The following DNAH6 variants were observed in gnomAD, a reference collection of about 807,000 sequenced individuals.
The protein encoded by DNAH6 is dynein axonemal heavy chain 6.
A neutral mutation model predicts 491.4 loss-of-function variants in DNAH6; 340 were observed. The ratio of observed to expected loss-of-function variants is 0.69; its 90% CI spans 0.63 to 0.76. The LOEUF is 0.76. DNAH6 is among the 30% of genes least tolerant of loss of function. The probability of loss-of-function intolerance (pLI) is 0.00; values close to 1 mark genes in which losing one functional copy is unlikely to be tolerated. For synonymous variants in DNAH6, 1,603 were observed against 1,686.1 expected (o/e 0.95, Z 1.21); for missense variants, 4,443 against 4,972.2 (o/e 0.89, Z 3.20).
Position 84,748,730 on chromosome 2 carries a change from C to G in DNAH6, c.10512+3481C>G, listed in dbSNP as rs577540483. Among the ~76,000 whole-genome samples the G allele has an allele frequency of 2.0e-4, 31 of 152,300 alleles. 1 individual carries two copies. Among genetic ancestry groups the G allele is most frequent in the Non-Finnish European group, 4.0e-4 (27 of 68,024 alleles). Reference sequence around the variant, plus strand: ...AAGCTGCTTACACATTTTCTGGTATCTTTGTAGCAATGCCCCATTCCTCAG... The same window carrying G: ...AAGCTGCTTACACATTTTCTGGTATGTTTGTAGCAATGCCCCATTCCTCAG... On this transcript the variant is annotated intron_variant, in intron 63 of 76. Transcript: ENST00000389394.
At chr2:84,758,519 C>T (rs868448473) in intron 63 of DNAH6, among the ~76,000 whole-genome samples, 1 of 151,912 alleles carries the variant, frequency 6.6e-6, no homozygotes, top group South Asian at 2.1e-4. Context: ...ACTCAAAAAT[C>T]CCCAACAAAA....
chr2:84,778,455 A>G (rs542666853), intron 64 of DNAH6, among the ~76,000 whole-genome samples: 5 of 151,092 alleles, frequency 3.3e-5, no homozygotes, highest in Non-Finnish European at 7.4e-5. Context: ...TCTAATTGCA[A>G]TATTAGATCA....
chr2:84,502,923 A>G, the DNAH6 span, among the ~76,000 whole-genome samples: 2 of 152,212 alleles, frequency 1.3e-5, no homozygotes, highest in East Asian at 1.9e-4. Flanking sequence ...CAATGGATCA[A>G]TGGGTCATGT....
chr2:84,688,616 A>G lies in DNAH6; in HGVS notation c.7292+23A>G, dbSNP rs375556405. On this transcript the variant is annotated intron_variant, in intron 45 of 76. Coordinates refer to ENST00000389394, the MANE Select transcript of DNAH6 (RefSeq NM_001370.2). ...AAGGTATAGTGCTATAAGGCGCCCAATAATGCATTGATTTAATATTTTTTG... is the reference window on the plus strand; with the variant it reads ...AAGGTATAGTGCTATAAGGCGCCCAGTAATGCATTGATTTAATATTTTTTG... The G allele has an allele frequency of 1.1e-4, 164 of 1,496,060 alleles. 1 individual carries two copies. In the East Asian group the frequency reaches 3.4e-3, roughly 31 times the overall value. The allele number at this position is 1,496,060 out of a possible 1,614,324, so 92.7% of individuals were successfully genotyped here. A position where few individuals can be genotyped will look rare whatever the true frequency, so the allele number is the denominator to read the frequency against.
At chr2:84,593,061 A>C (rs1399209001) in intron 16 of DNAH6, among the ~76,000 whole-genome samples, 1 of 152,214 alleles carries the variant, frequency 6.6e-6, no homozygotes, top group Admixed American at 6.5e-5. Flanking sequence ...TACACTTAAA[A>C]ATTTATTAAA....
At chr2:84,695,339 G>A (rs999262150) in intron 46 of DNAH6, among the ~76,000 whole-genome samples, 1 of 151,602 alleles carries the variant, frequency 6.6e-6, no homozygotes, top group Non-Finnish European at 1.5e-5. Context: ...GTTGATAATG[G>A]TAAAAAATCA....
At chr2:84,597,065 A>G (rs1684664778) in intron 18 of DNAH6, among the ~76,000 whole-genome samples, 1 of 152,146 alleles carries the variant, frequency 6.6e-6, no homozygotes, top group Non-Finnish European at 1.5e-5. Flanking sequence ...ATTTGCTTGT[A>G]TTGTCCCTTT....
Position 84,615,399 on chromosome 2 carries a change from A to G in DNAH6, c.3476-1487A>G, listed in dbSNP as rs531500295. ...TTCTGTTCCATTGGTCTATATGCCT[A>G]TTTTTATACCAGTACCATGCTGTTT... On this transcript the variant is annotated intron_variant, in intron 22 of 76. Coordinates refer to ENST00000389394, the MANE Select transcript of DNAH6 (RefSeq NM_001370.2). Among the ~76,000 whole-genome samples, 7 of 152,074 alleles carry G rather than the reference A, an allele frequency of 4.6e-5. No individual in the cohort carries two copies. In the South Asian group the frequency reaches 1.5e-3, roughly 32 times the overall value.
intron 63 of DNAH6, among the ~76,000 whole-genome samples, chr2:84,759,453 G>A (rs1384241043): frequency 6.6e-6 from 1 of 152,046 alleles, no homozygotes; most frequent in Non-Finnish European, 1.5e-5. Context: ...AGGTTGCAAT[G>A]ACCCAAGATT....
intron 5 of DNAH6, among the ~76,000 whole-genome samples, chr2:84,545,782 G>A (rs1420319515): frequency 6.6e-6 from 1 of 152,024 alleles, no homozygotes; most frequent in African/African-American, 2.4e-5. Context: ...TAGTTAACTA[G>A]GGCTGATTCC....
At chr2:84,683,013 C>T (rs1402956562) in intron 42 of DNAH6, among the ~76,000 whole-genome samples, 1 of 152,180 alleles carries the variant, frequency 6.6e-6, no homozygotes, top group African/African-American at 2.4e-5. Context: ...TTCCTGAAAT[C>T]GGGCCTGCCC....
chr2:84,585,974 C>T (rs967471924), intron 15 of DNAH6, among the ~76,000 whole-genome samples: 3 of 152,220 alleles, frequency 2.0e-5, no homozygotes, highest in African/African-American at 7.2e-5. Flanking sequence ...GACCCACCCC[C>T]TTCCATTCAG....
chr2:84,809,526 C>T (rs1321857862), intron 72 of DNAH6, among the ~76,000 whole-genome samples: 1 of 152,156 alleles, frequency 6.6e-6, no homozygotes, highest in Non-Finnish European at 1.5e-5. Context: ...CTCTCAGTCT[C>T]CTGGTCAGGT....
intron 33 of DNAH6, among the ~76,000 whole-genome samples, chr2:84,652,086 C>A (rs559681260): frequency 4.1e-4 from 63 of 151,888 alleles, no homozygotes; most frequent in South Asian, 1.2e-3. Flanking sequence ...GTTTTCTATT[C>A]TAATAATGAA....
the DNAH6 span, among the ~76,000 whole-genome samples, chr2:84,488,112 G>A: frequency 6.6e-6 from 1 of 152,132 alleles, no homozygotes; most frequent in Admixed American, 6.6e-5. Flanking sequence ...ATTCATCCAT[G>A]CTTACAAAGA....
intron 72 of DNAH6, among the ~76,000 whole-genome samples, chr2:84,808,806 C>T (rs1222335405): frequency 2.0e-5 from 3 of 152,228 alleles, no homozygotes; most frequent in African/African-American, 7.2e-5. Flanking sequence ...TATTGACTCA[C>T]TAGAAATTGT....
At chr2:84,796,562 C>A in intron 69 of DNAH6, 137 bp downstream of exon 69, 2 of 600,302 alleles carry the variant, frequency 3.3e-6, no homozygotes, top group Non-Finnish European at 5.4e-6. Flanking sequence ...CCATGCTTGG[C>A]CACCTTCAGA....
intron 29 of DNAH6, 70 bp from the exon 30 acceptor site, chr2:84,634,434 G>A: frequency 7.5e-7 from 1 of 1,341,856 alleles, no homozygotes; most frequent in Non-Finnish European, 9.6e-7. Context: ...TAATATTTCA[G>A]CTCAGAATTT....
intron 47 of DNAH6, among the ~76,000 whole-genome samples, chr2:84,699,327 A>G (rs1006054526): frequency 3.9e-5 from 6 of 152,188 alleles, no homozygotes; most frequent in African/African-American, 1.4e-4. Flanking sequence ...CCTTTATTCA[A>G]AGGATCTCCT....
Sources: gnomAD v4.1 joint callset for allele counts (sites outside exome capture counted in the v4.1 genomes callset) on GRCh38, gnomAD v4.1.1 for gene constraint, MANE v1.5 for transcripts, NCBI Gene and HGNC (gene_info 2026-07-23, HGNC 2026-07-21) for gene names.